DLG2: variants seen among roughly 807,000 people sequenced by gnomAD.
DLG2 encodes disks large homolog 2.
In DLG2, 45 loss-of-function variants were observed where a neutral mutation model predicts 132.5. The observed-to-expected ratio is 0.34, with a 90% CI of 0.27 to 0.44. The LOEUF (loss-of-function observed/expected upper bound fraction) is 0.44, where lower values mean the gene tolerates loss of function less well. DLG2 is among the 20% of genes least tolerant of loss of function. DLG2 has a pLI of 1.00. For missense variants in DLG2, 1,045 were observed against 1,196.9 expected (o/e 0.87, Z 1.87); for synonymous variants, 424 against 419.6 (o/e 1.01, Z -0.13).
chr11:85,590,972 A>G (rs1056766852), intron 3 of DLG2, among the ~76,000 whole-genome samples: 1 of 152,178 alleles, frequency 6.6e-6, no homozygotes, highest in Non-Finnish European at 1.5e-5. Flanking sequence ...AAATAATAGC[A>G]TCCTTCATTT....
At chr11:84,528,976 T>G (rs1238078058) in intron 7 of DLG2, among the ~76,000 whole-genome samples, 1 of 152,206 alleles carries the variant, frequency 6.6e-6, no homozygotes, top group African/African-American at 2.4e-5. Context: ...TTCCACATAT[T>G]TAAAAAGTAG....
intron 4 of DLG2, among the ~76,000 whole-genome samples, chr11:85,266,474 G>A (rs183097459): frequency 1.3e-5 from 2 of 152,306 alleles, no homozygotes; most frequent in African/African-American, 2.4e-5. Flanking sequence ...TGGGGGACTA[G>A]GGGAGGGATA....
At position 84,235,837 on chromosome 11, in the gene DLG2, T is replaced by C. The variant is rs567290922; in HGVS notation, c.573+15401A>G. Among the ~76,000 whole-genome samples the C allele has an allele frequency of 6.8e-4, 104 of 152,294 alleles. 2 individuals carry two copies. The South Asian group carries it at 0.019, about 29-fold the overall frequency. ...CTGCTGTGTGACCTTGGATAAGTTA[T>C]TAATCTCTTTGCCTACAACTTCTTA... On this transcript the variant is annotated intron_variant, in intron 8 of 27. Coordinates refer to ENST00000376104, the MANE Select transcript of DLG2 (RefSeq NM_001142699.3).
At chr11:85,354,195 A>G (rs1239064147) in intron 3 of DLG2, among the ~76,000 whole-genome samples, 4 of 152,120 alleles carry the variant, frequency 2.6e-5, no homozygotes, top group Non-Finnish European at 5.9e-5. Context: ...ATCTTTTAGT[A>G]TCATAGCAGT....
intron 3 of DLG2, among the ~76,000 whole-genome samples, chr11:85,490,204 A>G (rs2093524929): frequency 6.6e-6 from 1 of 152,178 alleles, no homozygotes. Context: ...AAAACAAAAA[A>G]TAAATATATT....
rs140551159 is a variant in DLG2, at chr11:84,871,711, GTTTATTTATTTA to G, written c.357+239938_357+239949del. ...TAGTATATAACTACATCATTTCATT[GTTTATTTATTTA>G]TTTATTTATTTATTTAATGAGACAG... On this transcript the variant is annotated intron_variant, in intron 6 of 27. Coordinates refer to ENST00000376104, the MANE Select transcript of DLG2 (RefSeq NM_001142699.3). 3.0e-4 allele frequency among the ~76,000 whole-genome samples: 46 copies of G among 151,366 alleles called. No homozygotes were observed. The South Asian group carries it at 8.8e-3, about 29-fold the overall frequency.
At chr11:83,493,332 TTTCTTTCCTTCCTTCCTTCCTTCCTTCC>T (rs1221719950) in intron 21 of DLG2, among the ~76,000 whole-genome samples, 30 of 135,780 alleles carry the variant, frequency 2.2e-4, no homozygotes, top group African/African-American at 7.9e-4. Context: ...TTGTCTTTTC[TTTCTTTCCTTCCTTCCTTCCTTCCTTCC>T]TTCCTTCCTT....
intron 7 of DLG2, among the ~76,000 whole-genome samples, chr11:84,410,953 T>A (rs1385391520): frequency 6.6e-6 from 1 of 152,212 alleles, no homozygotes; most frequent in African/African-American, 2.4e-5. Context: ...TTGTCTTTTA[T>A]GTAGAATATC....
At chr11:84,430,291 T>C (rs1352919237) in intron 7 of DLG2, among the ~76,000 whole-genome samples, 1 of 151,758 alleles carries the variant, frequency 6.6e-6, no homozygotes, top group Admixed American at 6.6e-5. Flanking sequence ...CAAAAAAAAT[T>C]AGCTGAGCTT....
chr11:85,134,408 A>G (rs1363775805), intron 5 of DLG2, among the ~76,000 whole-genome samples: 1 of 149,274 alleles, frequency 6.7e-6, no homozygotes, highest in African/African-American at 2.4e-5. Flanking sequence ...GGGCGCCTGT[A>G]GTCCCAGCTA....
chr11:84,640,234 T>C (rs2099655241), intron 6 of DLG2: 1 of 310,488 alleles, frequency 3.2e-6, no homozygotes, highest in Non-Finnish European at 6.3e-6. Context: ...TGATCAAGGG[T>C]GTTAACAGTG....
chr11:84,893,520 C>G (rs942286424), intron 6 of DLG2, among the ~76,000 whole-genome samples: 4 of 152,140 alleles, frequency 2.6e-5, no homozygotes, highest in Admixed American at 2.6e-4. Context: ...GCTCAGGTCC[C>G]TTCTTCCTAT....
At chr11:84,454,076 T>C (rs2099058842) in intron 7 of DLG2, among the ~76,000 whole-genome samples, 2 of 151,594 alleles carry the variant, frequency 1.3e-5, no homozygotes, top group South Asian at 4.1e-4. Context: ...TGAGGTTGCC[T>C]CAGGGAAAAA....
chr11:85,077,251 T>G (rs541551591), intron 6 of DLG2, among the ~76,000 whole-genome samples: 1 of 152,050 alleles, frequency 6.6e-6, no homozygotes, highest in Admixed American at 6.6e-5. Context: ...GGTTAGAGTT[T>G]GGAAAAAAAG....
intron 6 of DLG2, among the ~76,000 whole-genome samples, chr11:84,801,083 G>A (rs899247338): frequency 6.6e-6 from 1 of 152,156 alleles, no homozygotes; most frequent in Admixed American, 6.5e-5. Context: ...AGGAATAGGA[G>A]TCGATCTTAA....
chr11:85,123,790 G>A (rs1401018944), intron 5 of DLG2, among the ~76,000 whole-genome samples: 4 of 152,152 alleles, frequency 2.6e-5, no homozygotes, highest in African/African-American at 9.7e-5. Context: ...GATATGTGTG[G>A]GTAAGCATAT....
chr11:84,675,460 TAA>T (rs2153698758), intron 6 of DLG2, among the ~76,000 whole-genome samples: 1 of 152,172 alleles, frequency 6.6e-6, no homozygotes, highest in South Asian at 2.1e-4. Flanking sequence ...AGATGAAGTA[TAA>T]AATTTCACAA....
chr11:83,796,536 G>A (rs1302832945), intron 17 of DLG2, among the ~76,000 whole-genome samples: 1 of 152,030 alleles, frequency 6.6e-6, no homozygotes, highest in East Asian at 1.9e-4. Context: ...CTGTGTCAGG[G>A]AATTCTCCTT....
intron 6 of DLG2, among the ~76,000 whole-genome samples, chr11:84,735,635 C>T (rs1164647760): frequency 1.3e-5 from 2 of 152,044 alleles, no homozygotes; most frequent in African/African-American, 2.4e-5. Context: ...TCTCTAACTC[C>T]TTCAGTTCTG....
Sources: gnomAD v4.1 joint callset for allele counts (sites outside exome capture counted in the v4.1 genomes callset) on GRCh38, gnomAD v4.1.1 for gene constraint, MANE v1.5 for transcripts, NCBI Gene and HGNC (gene_info 2026-07-23, HGNC 2026-07-21) for gene names.